Variants in FSTL5 observed in about 807,000 individuals in gnomAD.
FSTL5 encodes follistatin like 5, also known as follistatin-related protein 5.
FSTL5 carries 62 observed loss-of-function variants against 89.1 expected under a neutral mutation model. The ratio of observed to expected loss-of-function variants is 0.70; its 90% CI spans 0.57 to 0.86. The LOEUF (loss-of-function observed/expected upper bound fraction) is 0.86. Ranked by LOEUF, FSTL5 falls within the 40% of genes least tolerant of loss-of-function variation. The probability of loss-of-function intolerance (pLI) is 0.00; values close to 1 mark genes in which losing one functional copy is unlikely to be tolerated. For missense variants in FSTL5, 1,057 were observed against 1,001.6 expected, an observed-to-expected ratio of 1.06 and a Z score of -0.75; for synonymous variants, 383 against 346.2, an observed-to-expected ratio of 1.11 and a Z score of -1.18.
At chr4:161,951,056 G>A (rs1458888729) in intron 3 of FSTL5, among the ~76,000 whole-genome samples, 1 of 151,972 alleles carries the variant, frequency 6.6e-6, no homozygotes, top group Non-Finnish European at 1.5e-5. Context: ...TTTCCGTGCT[G>A]TTCTCATGAC....
intron 7 of FSTL5, among the ~76,000 whole-genome samples, chr4:161,597,261 T>C (rs1247103298): frequency 6.6e-6 from 1 of 152,112 alleles, no homozygotes; most frequent in African/African-American, 2.4e-5. Flanking sequence ...CTAGCCAGTT[T>C]TCCCAGCACC....
At chr4:162,087,969 A>C (rs543218434) in intron 2 of FSTL5, among the ~76,000 whole-genome samples, 1 of 152,270 alleles carries the variant, frequency 6.6e-6, no homozygotes, top group African/African-American at 2.4e-5. Flanking sequence ...TATCACTGTA[A>C]TGATCAGTTT....
At chr4:161,818,009 C>T (rs1303081557) in intron 4 of FSTL5, among the ~76,000 whole-genome samples, 3 of 152,168 alleles carry the variant, frequency 2.0e-5, no homozygotes, top group Non-Finnish European at 4.4e-5. Context: ...TGTAGCATTT[C>T]CCTAGACCAC....
chr4:162,022,522 A>C (rs1157624320), intron 3 of FSTL5, among the ~76,000 whole-genome samples: 1 of 152,174 alleles, frequency 6.6e-6, no homozygotes, highest in Non-Finnish European at 1.5e-5. Context: ...TGCCATATAA[A>C]GAAAAAAATA....
chr4:161,576,489 C>T (rs901413009), intron 8 of FSTL5, among the ~76,000 whole-genome samples: 1 of 152,158 alleles, frequency 6.6e-6, no homozygotes, highest in African/African-American at 2.4e-5. Context: ...ACCAATGGGA[C>T]AGAACAGAGA....
At chr4:162,041,200 G>A (rs917692250) in intron 2 of FSTL5, among the ~76,000 whole-genome samples, 3 of 68,898 alleles carry the variant, frequency 4.4e-5, no homozygotes. Context: ...AAGATGAGAT[G>A]GTAAAAAAAA....
At chr4:162,147,002 G>A (rs111597353) in intron 1 of FSTL5, among the ~76,000 whole-genome samples, 35,159 of 151,606 alleles carry the variant, frequency 0.23, 4,219 homozygotes, top group Non-Finnish European at 0.25. Flanking sequence ...GGCTGGTCTC[G>A]AACTCCTGAC....
rs1390797597 is a variant in FSTL5 at position 162,079,864 on chromosome 4, C to G, written c.126+31407G>C. ...TAATGCTAGAATGTGGGATGAGGAGCAAGAAACTATTGTTTCTTGTATATA... is the reference window on the plus strand; with the variant it reads ...TAATGCTAGAATGTGGGATGAGGAGGAAGAAACTATTGTTTCTTGTATATA... On this transcript the variant is annotated intron_variant, in intron 2 of 15. Transcript: ENST00000306100. Among the ~76,000 whole-genome samples, 3 of 151,050 alleles carry G rather than the reference C, an allele frequency of 2.0e-5. No individual in the cohort carries two copies. In the East Asian group the frequency reaches 5.8e-4, roughly 29 times the overall value.
intron 3 of FSTL5, among the ~76,000 whole-genome samples, chr4:161,961,974 T>C (rs779364253): frequency 4.6e-5 from 7 of 151,862 alleles, no homozygotes; most frequent in Non-Finnish European, 1.0e-4. Context: ...TATCTATCAA[T>C]TATTTTGACA....
At chr4:161,815,949 T>TA (rs1560861960) in intron 4 of FSTL5, among the ~76,000 whole-genome samples, 1 of 152,142 alleles carries the variant, frequency 6.6e-6, no homozygotes, top group African/African-American at 2.4e-5. Context: ...AATTTAAAAA[T>TA]AAAAAAATAC....
At chr4:161,656,269 G>T in intron 7 of FSTL5, 59 bp downstream of exon 7, 2 of 916,862 alleles carry the variant, frequency 2.2e-6, no homozygotes, top group Non-Finnish European at 1.6e-6. Context: ...ACATCACAAA[G>T]TCTGGAGTAT....
At chr4:161,978,258 T>TATACATATAC (rs1735720210) in intron 3 of FSTL5, among the ~76,000 whole-genome samples, 1 of 152,222 alleles carries the variant, frequency 6.6e-6, no homozygotes, top group Non-Finnish European at 1.5e-5. Context: ...ATGTGCTTTA[T>TATACATATAC]GTATCTTGTG....
intron 3 of FSTL5, among the ~76,000 whole-genome samples, chr4:161,947,597 T>A (rs1051199692): frequency 6.6e-6 from 1 of 152,168 alleles, no homozygotes; most frequent in Admixed American, 6.6e-5. Context: ...AATATCTATT[T>A]TTTAATTACT....
intron 4 of FSTL5, among the ~76,000 whole-genome samples, chr4:161,902,515 G>A (rs1733396446): frequency 6.6e-6 from 1 of 152,098 alleles, no homozygotes; most frequent in South Asian, 2.1e-4. Context: ...TCTTTTTAAA[G>A]TGAGAATGAA....
At chr4:161,702,694 C>T (rs181744958) in intron 6 of FSTL5, among the ~76,000 whole-genome samples, 12 of 152,218 alleles carry the variant, frequency 7.9e-5, no homozygotes, top group Non-Finnish European at 1.3e-4. Context: ...TCATAGCACT[C>T]ATGTCCCCCA....
chr4:161,860,211 C>A (rs1731863485), intron 4 of FSTL5, among the ~76,000 whole-genome samples: 2 of 152,022 alleles, frequency 1.3e-5, no homozygotes, highest in South Asian at 2.1e-4. Context: ...TGGCGTGAAC[C>A]CGGGAGGCGG....
At chr4:162,061,755 C>G (rs1397545456) in intron 2 of FSTL5, among the ~76,000 whole-genome samples, 2 of 151,990 alleles carry the variant, frequency 1.3e-5, no homozygotes, top group Admixed American at 1.3e-4. Context: ...TAAAGGCAGC[C>G]CTACCTGAAG....
intron 7 of FSTL5, among the ~76,000 whole-genome samples, chr4:161,599,985 C>T (rs1269997424): frequency 6.6e-6 from 1 of 151,974 alleles, no homozygotes; most frequent in Admixed American, 6.6e-5. Flanking sequence ...CCATATTTTA[C>T]ACATAAAGAA....
intron 8 of FSTL5, among the ~76,000 whole-genome samples, chr4:161,566,638 A>G (rs1732826190): frequency 6.6e-6 from 1 of 152,048 alleles, no homozygotes; most frequent in Non-Finnish European, 1.5e-5. Flanking sequence ...CTTTTTAACA[A>G]AGGCCATTCT....
Sources: gnomAD v4.1 joint callset for allele counts (sites outside exome capture counted in the v4.1 genomes callset) on GRCh38, gnomAD v4.1.1 for gene constraint, MANE v1.5 for transcripts, NCBI Gene and HGNC (gene_info 2026-07-23, HGNC 2026-07-21) for gene names.